The following ATXN7 variants were observed in gnomAD, a reference collection of about 807,000 sequenced individuals.
The protein encoded by ATXN7 is ataxin-7.
Under a neutral mutation model 70.5 loss-of-function variants are expected in ATXN7, and 12 were observed. The ratio of observed to expected loss-of-function variants is 0.17; its 90% confidence interval spans 0.11 to 0.28. ATXN7 has a LOEUF of 0.28. ATXN7 is among the 10% of genes least tolerant of loss of function. ATXN7 has a pLI of 1.00. For missense variants in ATXN7, 1,256 were observed against 1,131.7 expected, an observed-to-expected ratio of 1.11 and a Z score of -1.58; for synonymous variants, 498 against 448.7, an observed-to-expected ratio of 1.11 and a Z score of -1.39.
At chr3:63,875,208 A>G (rs1258199272) in intron 1 of ATXN7, among the ~76,000 whole-genome samples, 1 of 152,056 alleles carries the variant, frequency 6.6e-6, no homozygotes, top group Admixed American at 6.6e-5. Flanking sequence ...CTCCCACCTC[A>G]GCCTCCTGAG....
intron 4 of ATXN7, among the ~76,000 whole-genome samples, chr3:63,924,237 A>G (rs1209291174): frequency 6.6e-6 from 1 of 152,166 alleles, no homozygotes; most frequent in Non-Finnish European, 1.5e-5. Context: ...ATGCTGGCGA[A>G]TGTGGGAGAC....
At chr3:63,982,568 GA>G in intron 7 of ATXN7, 123 bp downstream of exon 7, 1 of 891,026 alleles carries the variant, frequency 1.1e-6, no homozygotes, top group South Asian at 1.8e-5. Flanking sequence ...GCTTTAGGAG[GA>G]AGTTCCTTAG....
chr3:63,987,380 C>A (rs1326802510), intron 8 of ATXN7, among the ~76,000 whole-genome samples: 1 of 152,100 alleles, frequency 6.6e-6, no homozygotes, highest in East Asian at 1.9e-4. Flanking sequence ...GTTGTCCATC[C>A]CATTTCCTTA....
chr3:63,882,403 T>TG (rs1242053723), intron 1 of ATXN7, among the ~76,000 whole-genome samples: 7 of 148,036 alleles, frequency 4.7e-5, no homozygotes, highest in African/African-American at 1.8e-4. Context: ...TTTTTTTTTT[T>TG]GGGTCGGAGT....
intron 2 of ATXN7, among the ~76,000 whole-genome samples, chr3:63,906,267 G>C (rs915274746): frequency 6.6e-5 from 10 of 152,342 alleles, no homozygotes; most frequent in African/African-American, 2.2e-4. Context: ...GGAAAGTCAA[G>C]GGTGTCATGT....
chr3:63,898,221 TA>T (rs11292430), intron 1 of ATXN7, among the ~76,000 whole-genome samples, 177 bp from the exon 2 acceptor site: 108,119 of 148,486 alleles, frequency 0.73, 40,221 homozygotes, highest in East Asian at 0.83. Flanking sequence ...AAGTTCATTG[TA>T]AAAAAAAAAA....
At chr3:63,987,993 G>T in intron 8 of ATXN7, 66 bp from the exon 9 acceptor site, 1 of 1,571,770 alleles carries the variant, frequency 6.4e-7, no homozygotes, top group Non-Finnish European at 8.7e-7. Context: ...GTGGTGTTTT[G>T]GGATATAAGG....
chr3:63,913,958 C>T (rs1704159485), intron 4 of ATXN7, among the ~76,000 whole-genome samples: 1 of 152,092 alleles, frequency 6.6e-6, no homozygotes, highest in African/African-American at 2.4e-5. Context: ...GAATAGTAAG[C>T]TTTTGTTGTC....
intron 2 of ATXN7, chr3:63,904,012 A>T (rs1666540180): frequency 6.6e-6 from 1 of 152,222 alleles, no homozygotes; most frequent in Non-Finnish European, 1.5e-5. Flanking sequence ...TATTGATTGT[A>T]TAACTGTTTC....
intron 10 of ATXN7, 167 bp from the exon 11 acceptor site, chr3:63,990,571 T>C (rs758585265): frequency 2.8e-5 from 35 of 1,253,834 alleles, no homozygotes; most frequent in Non-Finnish European, 3.7e-5. Context: ...CCCTTTCTCT[T>C]CCATGACGCT....
intron 1 of ATXN7, among the ~76,000 whole-genome samples, chr3:63,870,009 G>C (rs1702549138): frequency 6.6e-6 from 1 of 152,094 alleles, no homozygotes; most frequent in Admixed American, 6.6e-5. Flanking sequence ...TCAAACAACT[G>C]TGTGATTTTA....
chr3:63,882,410 G>C (rs866092059), intron 1 of ATXN7, among the ~76,000 whole-genome samples: 10 of 147,420 alleles, frequency 6.8e-5, no homozygotes, highest in Admixed American at 6.7e-4. Context: ...TTTTGGGTCG[G>C]AGTCTTCTCT....
intron 4 of ATXN7, among the ~76,000 whole-genome samples, chr3:63,918,607 ATTTTCTGCTCACATGGACTTCAACTTAT>A (rs1704382438): frequency 6.6e-6 from 1 of 151,988 alleles, no homozygotes; most frequent in Non-Finnish European, 1.5e-5. Flanking sequence ...TTTGGTTTTT[ATTTTCTGCTCACATGGACTTCAACTTAT>A]TTCCTGCAAA....
intron 2 of ATXN7, chr3:63,903,605 C>G (rs1402544910): frequency 6.6e-6 from 1 of 152,184 alleles, no homozygotes; most frequent in Non-Finnish European, 1.5e-5. Flanking sequence ...AGCTAACACA[C>G]TGAGCACTTA....
At chr3:63,894,237 T>C (rs1021221491) in intron 1 of ATXN7, among the ~76,000 whole-genome samples, 3 of 152,242 alleles carry the variant, frequency 2.0e-5, no homozygotes, top group African/African-American at 7.2e-5. Flanking sequence ...CCAGGAAAGT[T>C]GGCCCCTGTG....
At chr3:63,877,856 C>T (rs779684044) in intron 1 of ATXN7, among the ~76,000 whole-genome samples, 32 of 152,158 alleles carry the variant, frequency 2.1e-4, no homozygotes, top group Non-Finnish European at 4.3e-4. Context: ...AACCTCAAAT[C>T]CGGTCTCCTT....
intron 1 of ATXN7, among the ~76,000 whole-genome samples, chr3:63,872,061 T>C (rs1702611112): frequency 1.3e-5 from 2 of 152,178 alleles, no homozygotes; most frequent in South Asian, 4.1e-4. Context: ...TGCCCCACAT[T>C]CTGGTGGAGA....
chr3:63,864,288 C>G (rs1702333727), intron 1 of ATXN7, among the ~76,000 whole-genome samples, 130 bp downstream of exon 1: 1 of 151,328 alleles, frequency 6.6e-6, no homozygotes, highest in Non-Finnish European at 1.5e-5. Context: ...GGTGACGCTG[C>G]TAGGGGTGGG....
intron 2 of ATXN7, 74 bp from the exon 3 acceptor site, chr3:63,912,514 C>T (rs1487764892): frequency 1.0e-6 from 1 of 982,884 alleles, no homozygotes; most frequent in Non-Finnish European, 1.2e-6. Flanking sequence ...GCGCACGCCG[C>T]CGGAACTCCC....
Sources: gnomAD v4.1 joint callset for allele counts (sites outside exome capture counted in the v4.1 genomes callset) on GRCh38, gnomAD v4.1.1 for gene constraint, MANE v1.5 for transcripts, NCBI Gene and HGNC (gene_info 2026-07-23, HGNC 2026-07-21) for gene names.